NRCAM: variants seen among roughly 807,000 people sequenced by gnomAD.
NRCAM encodes the protein neuronal cell adhesion molecule, also known as NgCAM-related cell adhesion molecule.
NRCAM carries 83 observed loss-of-function variants against 156.5 expected under a neutral mutation model. That is an observed-to-expected ratio of 0.53 (90% CI 0.44 to 0.64). The LOEUF (loss-of-function observed/expected upper bound fraction) is 0.64, where lower values mean the gene tolerates loss of function less well. NRCAM is among the 30% of genes least tolerant of loss of function. NRCAM has a pLI of 0.00. For missense variants in NRCAM, 1,417 were observed against 1,597.3 expected, an observed-to-expected ratio of 0.89 and a Z score of 1.92; for synonymous variants, 538 against 563.9, an observed-to-expected ratio of 0.95 and a Z score of 0.65.
chr7:108,337,628 G>A (rs142446897), intron 2 of NRCAM, among the ~76,000 whole-genome samples: 1,709 of 152,270 alleles, frequency 0.011, 14 homozygotes, highest in Admixed American at 0.019. Context: ...ATGACCCACG[G>A]CTTTTAATAG....
chr7:108,294,127 G>T (rs2098399370), intron 3 of NRCAM, among the ~76,000 whole-genome samples: 1 of 151,006 alleles, frequency 6.6e-6, no homozygotes, highest in Non-Finnish European at 1.5e-5. Flanking sequence ...AATTGCTGTA[G>T]GAGCAGTAGG....
intron 7 of NRCAM, 80 bp from the exon 8 acceptor site, chr7:108,231,233 T>G (rs1454414693): frequency 9.9e-7 from 1 of 1,014,534 alleles, no homozygotes; most frequent in African/African-American, 1.7e-5. Flanking sequence ...AAAGGCAAAC[T>G]GAAGTTTTGG....
chr7:108,446,503 A>G (rs938004606), intron 1 of NRCAM, among the ~76,000 whole-genome samples: 5 of 152,164 alleles, frequency 3.3e-5, no homozygotes, highest in African/African-American at 9.6e-5. Context: ...ACATACCACC[A>G]TGCATAATGT....
In NRCAM at chr7:108,207,481, T is replaced by C. The variant is rs756869348; in HGVS notation, c.1207+47A>G. On this transcript the variant is annotated intron_variant, in intron 13 of 32. Transcript: ENST00000379028. Reference sequence around the variant, plus strand: ...CATTTATTCACTGTCGGGATGTATATATGCTCTGAAAATATACTGCAATTA... The same window carrying C: ...CATTTATTCACTGTCGGGATGTATACATGCTCTGAAAATATACTGCAATTA... 9 of 1,592,808 alleles carry C rather than the reference T, an allele frequency of 5.7e-6. No individual in the cohort carries two copies. In the Admixed American group the frequency reaches 1.2e-4, roughly 21 times the overall value.
rs188685225 is a variant in NRCAM, at chr7:108,363,202, A to G, written c.-174+36234T>C. On this transcript the variant is annotated intron_variant, in intron 2 of 32. Coordinates refer to ENST00000379028, the MANE Select transcript of NRCAM (RefSeq NM_001037132.4). The stretch of plus-strand genomic sequence containing the variant: ...AAATGATTAAATAATGAAGAGAGAC[A>G]TATGTTCTGTGAAAAAGAATTTCAA... Among the ~76,000 whole-genome samples the G allele has an allele frequency of 1.2e-3, 186 of 152,344 alleles. 1 individual carries two copies. Among genetic ancestry groups the G allele is most frequent in the African/African-American group, 4.1e-3 (169 of 41,574 alleles).
intron 1 of NRCAM, among the ~76,000 whole-genome samples, chr7:108,441,868 T>A (rs777563474): frequency 6.6e-6 from 1 of 152,246 alleles, no homozygotes; most frequent in Non-Finnish European, 1.5e-5. Context: ...TAGCCTAAAA[T>A]GCCTACATAT....
intron 1 of NRCAM, among the ~76,000 whole-genome samples, chr7:108,439,841 A>G (rs1836621285): frequency 6.6e-6 from 1 of 151,422 alleles, no homozygotes; most frequent in Non-Finnish European, 1.5e-5. Flanking sequence ...ACAAAAAAAA[A>G]AAAAAAAAAA....
intron 2 of NRCAM, among the ~76,000 whole-genome samples, chr7:108,340,094 G>A (rs2099258139): frequency 6.6e-6 from 1 of 152,134 alleles, no homozygotes; most frequent in Non-Finnish European, 1.5e-5. Flanking sequence ...TAAAAAGTGT[G>A]ATTTATGCCC....
intron 3 of NRCAM, among the ~76,000 whole-genome samples, chr7:108,255,232 T>C (rs1449055421): frequency 7.0e-6 from 1 of 142,312 alleles, no homozygotes; most frequent in Non-Finnish European, 1.5e-5. Flanking sequence ...GGCTGGACTG[T>C]ACTGCCGCCA....
At chr7:108,243,056 C>G (rs77533849) in intron 3 of NRCAM, 1 of 152,146 alleles carries the variant, frequency 6.6e-6, no homozygotes, top group Admixed American at 6.5e-5. Flanking sequence ...CTTAAAGAGA[C>G]ATGAGTTAAT....
intron 2 of NRCAM, among the ~76,000 whole-genome samples, chr7:108,348,999 T>C (rs1396043819): frequency 1.3e-5 from 2 of 151,818 alleles, no homozygotes; most frequent in African/African-American, 4.8e-5. Flanking sequence ...CAAGACAGGA[T>C]TTAGGGAAGT....
At chr7:108,198,437 A>G (rs927377225) in intron 13 of NRCAM, among the ~76,000 whole-genome samples, 2 of 152,026 alleles carry the variant, frequency 1.3e-5, no homozygotes, top group African/African-American at 4.8e-5. Context: ...CATGTGCACA[A>G]TGTGCAGGTT....
intron 2 of NRCAM, among the ~76,000 whole-genome samples, chr7:108,339,785 C>T (rs11769966): frequency 0.18 from 27,730 of 151,944 alleles, 3,359 homozygotes; most frequent in East Asian, 0.44. Context: ...GCTGGCATCC[C>T]TATGTTCTTT....
chr7:108,419,029 G>C (rs1753651367), intron 1 of NRCAM, among the ~76,000 whole-genome samples: 1 of 151,394 alleles, frequency 6.6e-6, no homozygotes, highest in Admixed American at 6.6e-5. Context: ...TACTTAACTA[G>C]TTTCACACAC....
chr7:108,319,514 T>C (rs142734857), intron 2 of NRCAM, among the ~76,000 whole-genome samples: 23 of 152,326 alleles, frequency 1.5e-4, no homozygotes, highest in Middle Eastern at 6.8e-3. Context: ...GAAGTGAACC[T>C]TAGAAAACCA....
intron 1 of NRCAM, among the ~76,000 whole-genome samples, chr7:108,435,034 GAA>G (rs11392385): frequency 6.7e-6 from 1 of 149,164 alleles, no homozygotes; most frequent in African/African-American, 2.5e-5. Flanking sequence ...TACATGGTAG[GAA>G]AAAAAAAACT....
intron 1 of NRCAM, among the ~76,000 whole-genome samples, chr7:108,433,199 T>A (rs147454088): frequency 6.6e-6 from 1 of 152,198 alleles, no homozygotes; most frequent in Non-Finnish European, 1.5e-5. Context: ...TTGTCTTCCA[T>A]ATCCCCTCAA....
At chr7:108,387,005 TCTAA>T (rs368783104) in intron 2 of NRCAM, among the ~76,000 whole-genome samples, 6 of 152,280 alleles carry the variant, frequency 3.9e-5, no homozygotes, top group South Asian at 2.1e-4. Flanking sequence ...TTGATATAAA[TCTAA>T]CTATCTTCCT....
Position 108,242,206 on chromosome 7 carries a change from C to T in NRCAM, c.-106-2036G>A, listed in dbSNP as rs143266670. ...GGGAAAATTGCTTAGCTGCCGTGAACCGAGATTGTGCCACTATACTCCAGC... is the reference window on the plus strand; with the variant it reads ...GGGAAAATTGCTTAGCTGCCGTGAATCGAGATTGTGCCACTATACTCCAGC... On this transcript the variant is annotated intron_variant, in intron 3 of 32. Transcript: ENST00000379028. 2.5e-3 allele frequency among the ~76,000 whole-genome samples: 350 copies of T among 139,480 alleles called. 1 individual carries two copies. Among genetic ancestry groups the T allele is most frequent in the African/African-American group, 9.0e-3 (328 of 36,492 alleles). 91.5% of individuals were successfully genotyped at this position (139,480 alleles called of 152,430 possible).
Sources: gnomAD v4.1 joint callset for allele counts (sites outside exome capture counted in the v4.1 genomes callset) on GRCh38, gnomAD v4.1.1 for gene constraint, MANE v1.5 for transcripts, NCBI Gene and HGNC (gene_info 2026-07-23, HGNC 2026-07-21) for gene names.